TUSC3: variants seen among roughly 807,000 people sequenced by gnomAD.
TUSC3 encodes dolichyl-diphosphooligosaccharide--protein glycosyltransferase subunit TUSC3.
Under a neutral mutation model 44.8 loss-of-function variants are expected in TUSC3, and 45 were observed. The observed-to-expected ratio is 1.00, with a 90% CI of 0.79 to 1.29. The LOEUF (loss-of-function observed/expected upper bound fraction) is 1.29, where lower values mean the gene tolerates loss of function less well. TUSC3 is among the 50% of genes most tolerant of loss of function. The probability of loss-of-function intolerance (pLI) is 0.00; values close to 1 mark genes in which losing one functional copy is unlikely to be tolerated. For synonymous variants in TUSC3, 212 were observed against 152.9 expected (o/e 1.39, Z -2.85); for missense variants, 519 against 437.9 (o/e 1.19, Z -1.65).
At chr8:15,437,689 A>G (rs975845276) in intron 1 of TUSC3, among the ~76,000 whole-genome samples, 7 of 152,200 alleles carry the variant, frequency 4.6e-5, no homozygotes, top group Admixed American at 6.5e-5. Context: ...AACAGAGGCA[A>G]CACTTGGCCC....
chr8:15,682,476 G>A (rs924827093), intron 6 of TUSC3, among the ~76,000 whole-genome samples: 5 of 152,008 alleles, frequency 3.3e-5, no homozygotes, highest in African/African-American at 1.2e-4. Context: ...TCTCGTGTAA[G>A]TACAACCTCT....
intron 7 of TUSC3, among the ~76,000 whole-genome samples, chr8:15,733,866 G>T (rs1810824277): frequency 6.6e-6 from 1 of 152,004 alleles, no homozygotes. Context: ...ACAGTAGGGG[G>T]AATCCTGTCT....
At chr8:15,502,607 C>A (rs969945733) in intron 2 of TUSC3, among the ~76,000 whole-genome samples, 5 of 152,216 alleles carry the variant, frequency 3.3e-5, no homozygotes, top group African/African-American at 1.2e-4. Context: ...TGTCCTGTCT[C>A]AGCCTCCCAA....
chr8:15,782,333 G>A, the TUSC3 span, among the ~76,000 whole-genome samples: 2 of 151,934 alleles, frequency 1.3e-5, no homozygotes, highest in Non-Finnish European at 2.9e-5. Context: ...TTTTTAAGTA[G>A]CCAGGCATAG....
intron 5 of TUSC3, among the ~76,000 whole-genome samples, chr8:15,668,877 A>G (rs544107582): frequency 7.2e-5 from 11 of 151,894 alleles, no homozygotes; most frequent in African/African-American, 2.4e-4. Context: ...CAAAAAAATA[A>G]GCAGAGTTTT....
At chr8:15,449,798 T>G (rs571107504) in intron 1 of TUSC3, among the ~76,000 whole-genome samples, 2 of 152,324 alleles carry the variant, frequency 1.3e-5, no homozygotes, top group Admixed American at 6.5e-5. Context: ...ATTCCATTCA[T>G]GGTAAGTGCC....
chr8:15,666,580 A>C (rs1344397870), intron 5 of TUSC3, among the ~76,000 whole-genome samples: 1 of 151,482 alleles, frequency 6.6e-6, no homozygotes, highest in Non-Finnish European at 1.5e-5. Flanking sequence ...TGACCATTCA[A>C]AGTTACAGAT....
intron 2 of TUSC3, among the ~76,000 whole-genome samples, chr8:15,486,744 C>G (rs942915275): frequency 2.6e-5 from 4 of 152,046 alleles, no homozygotes; most frequent in Non-Finnish European, 4.4e-5. Context: ...CGCCTGGCCT[C>G]CTCTCCCACA....
rs117601069 is a variant in TUSC3 at position 15,650,367 on chromosome 8, A to C, written c.309-330A>C. Among the ~76,000 whole-genome samples the C allele has an allele frequency of 2.4e-3, 359 of 152,248 alleles. 2 individuals carry two copies. Among genetic ancestry groups the C allele is most frequent in the Non-Finnish European group, 4.5e-3 (307 of 68,012 alleles). On this transcript the variant is annotated intron_variant, in intron 2 of 10. Coordinates refer to ENST00000503731, the MANE Select transcript of TUSC3 (RefSeq NM_006765.4). ...TATTCCCTAGAGTAAGAGTTGGCAA[A>C]ATTTTTATTTAAAGGGCTAGGCTTT...
At chr8:15,444,701 T>C (rs1563252406) in intron 1 of TUSC3, among the ~76,000 whole-genome samples, 1 of 152,172 alleles carries the variant, frequency 6.6e-6, no homozygotes, top group Non-Finnish European at 1.5e-5. Context: ...AAGGAGAGAA[T>C]CTTTGTCAGT....
At chr8:15,612,868 G>C (rs1024899962) in intron 1 of TUSC3, among the ~76,000 whole-genome samples, 3 of 151,816 alleles carry the variant, frequency 2.0e-5, no homozygotes, top group Non-Finnish European at 4.4e-5. Context: ...AAAGCCAACC[G>C]ATCACCCACT....
At chr8:15,733,477 T>C in intron 7 of TUSC3, 1 of 339,370 alleles carries the variant, frequency 2.9e-6, no homozygotes, top group Non-Finnish European at 5.8e-6. Context: ...AAAGCTGTGT[T>C]GAGATCATCC....
chr8:15,493,063 G>C (rs573383005), intron 2 of TUSC3, among the ~76,000 whole-genome samples: 1 of 152,200 alleles, frequency 6.6e-6, no homozygotes, highest in Admixed American at 6.5e-5. Context: ...TCTATGAACA[G>C]TGCTAGGTTT....
In TUSC3 at chr8:15,484,416, G is replaced by C. The variant is rs185206013; in HGVS notation, n.189+933G>C. Among the ~76,000 whole-genome samples the C allele has an allele frequency of 3.2e-3, 490 of 152,250 alleles. 1 individual carries two copies. Among genetic ancestry groups the C allele is most frequent in the African/African-American group, 0.011 (474 of 41,530 alleles). ...TCGATTTATGGTTATTTTTATAAAG[G>C]TACTGAAGTAAATAAACGCTTTTGT... On this transcript the variant is annotated intron_variant and non_coding_transcript_variant, in intron 2 of 5. Transcript: ENST00000503191.
chr8:15,775,775 T>TATATATA, the TUSC3 span, among the ~76,000 whole-genome samples: 1 of 132,734 alleles, frequency 7.5e-6, no homozygotes, highest in African/African-American at 2.8e-5. Flanking sequence ...TATATATATA[T>TATATATA]ATCTTCCGTA....
intron 1 of TUSC3, among the ~76,000 whole-genome samples, chr8:15,616,782 C>CA (rs1805003004): frequency 1.3e-5 from 2 of 152,150 alleles, no homozygotes; most frequent in African/African-American, 4.8e-5. Flanking sequence ...CCGTTGCTGG[C>CA]ATCTCTGAGT....
chr8:15,454,491 C>A (rs909093571), intron 1 of TUSC3, among the ~76,000 whole-genome samples: 1 of 152,184 alleles, frequency 6.6e-6, no homozygotes, highest in African/African-American at 2.4e-5. Flanking sequence ...CTAAAGGAAT[C>A]TATTTTGCTT....
At chr8:15,671,366 C>A (rs1284425247) in intron 5 of TUSC3, among the ~76,000 whole-genome samples, 2 of 151,846 alleles carry the variant, frequency 1.3e-5, no homozygotes, top group African/African-American at 4.8e-5. Flanking sequence ...ATTAAAACTT[C>A]CAGATTGCTG....
chr8:15,470,065 G>A (rs1240698488), intron 1 of TUSC3, among the ~76,000 whole-genome samples: 1 of 151,686 alleles, frequency 6.6e-6, no homozygotes, highest in East Asian at 1.9e-4. Context: ...AGACCAGCCT[G>A]GGAAACATAG....
Sources: allele counts gnomAD v4.1 joint callset (sites outside exome capture counted in the v4.1 genomes callset), GRCh38; gene constraint gnomAD v4.1.1; transcripts MANE v1.5; gene names NCBI Gene and HGNC (gene_info 2026-07-23, HGNC 2026-07-21).